Variants in FHIT observed in about 807,000 individuals in gnomAD.
FHIT encodes the protein fragile histidine triad diadenosine triphosphatase.
FHIT carries 19 observed loss-of-function variants against 17.9 expected under a neutral mutation model. The ratio of observed to expected loss-of-function variants is 1.06; its 90% CI spans 0.74 to 1.56. FHIT has a LOEUF of 1.56. Ranked by LOEUF, FHIT falls within the 40% of genes most tolerant of loss-of-function variation. The pLI is 0.00. For synonymous variants in FHIT, 81 were observed against 69.7 expected, an observed-to-expected ratio of 1.16 and a Z score of -0.81; for missense variants, 248 against 189.2, an observed-to-expected ratio of 1.31 and a Z score of -1.82.
chr3:60,557,730 G>C (rs1354618266), intron 4 of FHIT, among the ~76,000 whole-genome samples: 4 of 151,952 alleles, frequency 2.6e-5, no homozygotes, highest in Admixed American at 2.6e-4. Flanking sequence ...CGTGGGCTGA[G>C]AAGCACAACA....
intron 7 of FHIT, among the ~76,000 whole-genome samples, chr3:59,965,175 T>C (rs1707866520): frequency 6.6e-6 from 1 of 152,134 alleles, no homozygotes. Flanking sequence ...AGCATGCATT[T>C]TTATTAAAAC....
chr3:60,732,704 T>TTTTTTTTTC, intron 4 of FHIT: 1 of 338,304 alleles, frequency 3.0e-6, no homozygotes, highest in Non-Finnish European at 5.7e-6. Context: ...TTTTTTTTTT[T>TTTTTTTTTC]TTGACAAAGT....
At chr3:60,508,491 G>T (rs2034823733) in intron 5 of FHIT, among the ~76,000 whole-genome samples, 1 of 152,144 alleles carries the variant, frequency 6.6e-6, no homozygotes, top group Non-Finnish European at 1.5e-5. Flanking sequence ...AATGATGTTT[G>T]TCAAACTTGT....
chr3:60,560,976 C>A (rs1304256033), intron 4 of FHIT, among the ~76,000 whole-genome samples: 1 of 151,770 alleles, frequency 6.6e-6, no homozygotes, highest in Non-Finnish European at 1.5e-5. Context: ...TTTCATTTAC[C>A]ATCCCCATAT....
intron 7 of FHIT, among the ~76,000 whole-genome samples, chr3:59,999,570 T>G (rs1699649532): frequency 6.6e-6 from 1 of 152,122 alleles, no homozygotes; most frequent in African/African-American, 2.4e-5. Context: ...GGAACGTGTC[T>G]TCTGTTAGAC....
At chr3:59,990,834 G>C (rs1709195896) in intron 7 of FHIT, among the ~76,000 whole-genome samples, 1 of 152,032 alleles carries the variant, frequency 6.6e-6, no homozygotes, top group Non-Finnish European at 1.5e-5. Flanking sequence ...CACTCATTAA[G>C]TCATTTTAAA....
At chr3:60,987,337 G>C (rs749016353) in intron 3 of FHIT, among the ~76,000 whole-genome samples, 26 of 152,192 alleles carry the variant, frequency 1.7e-4, no homozygotes, top group Non-Finnish European at 2.6e-4. Context: ...TGTGGGTTTA[G>C]GGAATGAGGG....
chr3:61,240,476 C>T (rs1030158007), intron 1 of FHIT, among the ~76,000 whole-genome samples: 2 of 152,170 alleles, frequency 1.3e-5, no homozygotes, highest in Non-Finnish European at 2.9e-5. Flanking sequence ...TTGCTCCACA[C>T]CTGGCCACTC....
intron 7 of FHIT, among the ~76,000 whole-genome samples, chr3:59,966,339 A>G (rs540185811): frequency 3.3e-5 from 5 of 152,176 alleles, no homozygotes; most frequent in African/African-American, 1.2e-4. Flanking sequence ...TGCAACTCAC[A>G]TATGGTTGTC....
intron 4 of FHIT, among the ~76,000 whole-genome samples, chr3:60,672,219 G>A (rs1553694104): frequency 6.6e-6 from 1 of 152,156 alleles, no homozygotes; most frequent in Non-Finnish European, 1.5e-5. Context: ...ACGTCCGTGT[G>A]AAGAGACCAC....
chr3:60,485,130 G>T (rs2033780390), intron 5 of FHIT, among the ~76,000 whole-genome samples: 1 of 152,076 alleles, frequency 6.6e-6, no homozygotes, highest in South Asian at 2.1e-4. Flanking sequence ...TCAGAATGGT[G>T]AGTACTGAAA....
chr3:60,161,220 T>A lies in FHIT; in HGVS notation c.104-147068A>T, dbSNP rs144352239. On this transcript the variant is annotated intron_variant, in intron 5 of 9. Transcript: ENST00000492590. Reference sequence around the variant, plus strand: ...TTAAAAGGTGGCAAATCGGTAGCATTGCCAACTGCGTTGTCCCTATGGCTG... The same window carrying A: ...TTAAAAGGTGGCAAATCGGTAGCATAGCCAACTGCGTTGTCCCTATGGCTG... Among the ~76,000 whole-genome samples the A allele has an allele frequency of 3.9e-3, 593 of 152,354 alleles. 4 individuals carry two copies. The highest frequency in any genetic ancestry group is 0.014 in the African/African-American group (569 of 41,584).
intron 4 of FHIT, among the ~76,000 whole-genome samples, chr3:60,553,849 G>T (rs928825250): frequency 2.6e-5 from 4 of 152,072 alleles, no homozygotes; most frequent in African/African-American, 9.7e-5. Flanking sequence ...ACTTTAGGAG[G>T]CCTAGGAGGG....
intron 4 of FHIT, among the ~76,000 whole-genome samples, chr3:60,795,542 C>T (rs1245763074): frequency 2.0e-5 from 3 of 146,430 alleles, no homozygotes; most frequent in Non-Finnish European, 4.5e-5. Flanking sequence ...CTTACTCTGT[C>T]CTCTGTCTGT....
rs2031756059 is a variant in FHIT at position 61,010,966 on chromosome 3, G to GA, written c.-111+31080dup. Among the ~76,000 whole-genome samples, 10 of 152,264 alleles carry GA rather than the reference G, an allele frequency of 6.6e-5. No homozygotes were observed. The South Asian group carries it at 2.1e-3, about 32-fold the overall frequency. Reference sequence around the variant, plus strand: ...ATTGTTGTTATAATTATAGGTAAAAGATAAATTCTTGGAAAATAATTTTAA... The same window carrying GA: ...ATTGTTGTTATAATTATAGGTAAAAGAATAAATTCTTGGAAAATAATTTTAA... On this transcript the variant is annotated intron_variant, in intron 3 of 9. Coordinates refer to ENST00000492590, the MANE Select transcript of FHIT (RefSeq NM_002012.4).
intron 4 of FHIT, among the ~76,000 whole-genome samples, chr3:60,637,797 A>C (rs2107785540): frequency 6.6e-6 from 1 of 152,302 alleles, no homozygotes; most frequent in South Asian, 2.1e-4. Flanking sequence ...GATAAGGATA[A>C]GGTTGTACTT....
intron 3 of FHIT, among the ~76,000 whole-genome samples, chr3:60,887,695 C>T (rs533779971): frequency 6.6e-6 from 1 of 152,140 alleles, no homozygotes; most frequent in East Asian, 1.9e-4. Context: ...ATTTTAAGCT[C>T]CCTTTTACCA....
intron 5 of FHIT, among the ~76,000 whole-genome samples, chr3:60,437,424 G>A (rs963802603): frequency 4.6e-5 from 7 of 152,076 alleles, no homozygotes; most frequent in Admixed American, 2.6e-4. Flanking sequence ...TTAGAGAAAA[G>A]CAAGTAAAGC....
At chr3:60,632,011 G>C (rs1364769406) in intron 4 of FHIT, among the ~76,000 whole-genome samples, 1 of 152,112 alleles carries the variant, frequency 6.6e-6, no homozygotes, top group Non-Finnish European at 1.5e-5. Flanking sequence ...TCTGAAAATT[G>C]AAATTATTTT....
Sources: allele counts gnomAD v4.1 joint callset (sites outside exome capture counted in the v4.1 genomes callset), GRCh38; gene constraint gnomAD v4.1.1; transcripts MANE v1.5; gene names NCBI Gene and HGNC (gene_info 2026-07-23, HGNC 2026-07-21).